FGR: variants seen among roughly 807,000 people sequenced by gnomAD.
FGR encodes the protein FGR proto-oncogene, Src family tyrosine kinase, also known as tyrosine-protein kinase Fgr.
FGR carries 26 observed loss-of-function variants against 63.2 expected under a neutral mutation model. The observed-to-expected ratio is 0.41, with a 90% CI of 0.30 to 0.57. FGR has a LOEUF of 0.57. Among genes scored for constraint, FGR ranks in the 20% least tolerant of loss-of-function variants. The pLI is 0.27. For missense variants in FGR, 511 were observed against 690.8 expected, an observed-to-expected ratio of 0.74 and a Z score of 2.92; for synonymous variants, 286 against 277.7, an observed-to-expected ratio of 1.03 and a Z score of -0.30.
intron 3 of FGR, 80 bp from the exon 4 acceptor site, chr1:27,623,224 C>A: frequency 9.7e-7 from 1 of 1,027,576 alleles, no homozygotes; most frequent in East Asian, 2.5e-5. Context: ...TCCTGTTCCC[C>A]AGCCAGGTGC....
At chr1:27,620,410 T>C (rs2148526912) in intron 5 of FGR, among the ~76,000 whole-genome samples, 2 of 152,026 alleles carry the variant, frequency 1.3e-5, no homozygotes, top group Admixed American at 1.3e-4. Flanking sequence ...GCTCAGAAGT[T>C]TGAGACCAGC....
At chr1:27,630,107 A>C (rs748791674) in intron 1 of FGR, among the ~76,000 whole-genome samples, 1 of 152,016 alleles carries the variant, frequency 6.6e-6, no homozygotes, top group Non-Finnish European at 1.5e-5. Context: ...GGCTGGAGTA[A>C]AGTGGCACAA....
intron 4 of FGR, 69 bp from the exon 5 acceptor site, chr1:27,621,726 G>A: frequency 9.0e-7 from 1 of 1,109,972 alleles, no homozygotes; most frequent in Non-Finnish European, 1.4e-6. Context: ...GCCAGGTGGA[G>A]CCACACAGGT....
chr1:27,629,775 T>G (rs11802278), intron 1 of FGR, among the ~76,000 whole-genome samples: 2,078 of 152,324 alleles, frequency 0.014, 46 homozygotes, highest in African/African-American at 0.047. Context: ...ACCTATGAGG[T>G]GGGTTTATGA....
rs780292527 is a variant in FGR, at chr1:27,621,590, C to T, written c.397G>A (p.Val133Met). ...GKTGCIPSNY[V>M]APVDSIQAEE... The stretch of plus-strand genomic sequence containing the variant: ...GCTTGGATTGAGTCAACAGGGGCCA[C>T]GTAGTTGCTGGGAATGCAGCCAGTT... The change falls in exon 5 of 13, where the codon GTG becomes ATG. Residue 133 changes from valine to methionine, a missense_variant. Val to Met is a conservative substitution (Grantham distance 21, BLOSUM62 1). Coordinates refer to ENST00000374005, the MANE Select transcript of FGR (RefSeq NM_005248.3). 6 of 1,613,896 alleles carry T rather than the reference C, an allele frequency of 3.7e-6. No homozygotes were observed. Among genetic ancestry groups the T allele is most frequent in the Middle Eastern group, 1.6e-4 (1 of 6,062 alleles).
At chr1:27,624,087 G>A (rs188097437) in intron 2 of FGR, 158 bp from the exon 3 acceptor site, 43 of 607,392 alleles carry the variant, frequency 7.1e-5, no homozygotes, top group African/African-American at 6.8e-4. Flanking sequence ...GCGGAACTGG[G>A]CCACCTACTG....
At chr1:27,629,539 C>G (rs867041935) in intron 1 of FGR, among the ~76,000 whole-genome samples, 1 of 152,088 alleles carries the variant, frequency 6.6e-6, no homozygotes, top group Non-Finnish European at 1.5e-5. Flanking sequence ...GGGAAAAAGA[C>G]GGAGGGAGAG....
chr1:27,629,791 C>T (rs2090078820), intron 1 of FGR, among the ~76,000 whole-genome samples: 1 of 152,178 alleles, frequency 6.6e-6, no homozygotes, highest in South Asian at 2.1e-4. Flanking sequence ...TATGACTACC[C>T]TTATTTTACA....
intron 5 of FGR, among the ~76,000 whole-genome samples, chr1:27,619,191 A>G (rs1300001441): frequency 2.6e-5 from 4 of 151,836 alleles, no homozygotes; most frequent in Non-Finnish European, 5.9e-5. Flanking sequence ...AAAAATTTTT[A>G]ATTAATTAAT....
At chr1:27,619,000 G>A (rs890807101) in intron 5 of FGR, among the ~76,000 whole-genome samples, 4 of 151,890 alleles carry the variant, frequency 2.6e-5, no homozygotes, top group East Asian at 1.9e-4. Flanking sequence ...CCTCTGACAC[G>A]CCCTCTCTTG....
chr1:27,615,334 T>C lies in FGR; in HGVS notation c.1018+100A>G. ...GGTCCCTTAGTGGGACTCTGCCCAT[T>C]GTCCCTTGTCCCTCACAGATCGCGT... is the stretch of plus-strand genomic sequence containing the variant. On this transcript the variant is annotated intron_variant, in intron 9 of 12. Coordinates refer to ENST00000374005, the MANE Select transcript of FGR (RefSeq NM_005248.3). This position sits in a 1 kb window ranked among gnomAD's most constrained non-coding sequence, Gnocchi z 7.6. 1 of 1,340,578 alleles carries C rather than the reference T, an allele frequency of 7.5e-7. No individual in the cohort carries two copies. The highest frequency in any genetic ancestry group is 1.3e-5 in the South Asian group (1 of 76,508). 83.0% of individuals were successfully genotyped at this position (1,340,578 alleles called of 1,614,324 possible). A position where few individuals can be genotyped will look rare whatever the true frequency, so the allele number is the denominator to read the frequency against.
intron 2 of FGR, 149 bp from the exon 3 acceptor site, chr1:27,624,078 CG>C (rs1241301056): frequency 8.0e-6 from 5 of 624,230 alleles, no homozygotes; most frequent in Non-Finnish European, 1.4e-5. Context: ...GGGATAAAGG[CG>C]GAACTGGGCC....
chr1:27,617,072 C>T lies in FGR; in HGVS notation c.533-66G>A, dbSNP rs2089827534. On this transcript the variant is annotated intron_variant, in intron 6 of 12. Coordinates refer to ENST00000374005, the MANE Select transcript of FGR (RefSeq NM_005248.3). The surrounding 1 kb of genome is among the most constrained non-coding windows in gnomAD (Gnocchi z 4.5). ...CCTAGTCTGGGAGCTGGGAGAGGCC[C>T]GACAGCAGCATCCCTAGGACCTGGT... 11 of 1,607,334 alleles carry T rather than the reference C, an allele frequency of 6.8e-6. No homozygotes were observed. The highest frequency in any genetic ancestry group is 8.5e-6 in the Non-Finnish European group (10 of 1,175,418).
At chr1:27,630,589 G>A (rs1179670904) in intron 1 of FGR, among the ~76,000 whole-genome samples, 2 of 152,134 alleles carry the variant, frequency 1.3e-5, no homozygotes, top group African/African-American at 4.8e-5. Context: ...GCAGGAGAGA[G>A]AGAGAGAGAG....
chr1:27,613,382 T>C (rs375988490), intron 11 of FGR, 32 bp from the exon 12 acceptor site: 25 of 1,609,624 alleles, frequency 1.6e-5, no homozygotes, highest in Non-Finnish European at 2.1e-5. Flanking sequence ...GGAAAGTTAG[T>C]GAGGGGGTCC....
chr1:27,620,983 C>A (rs1258066766), intron 5 of FGR, among the ~76,000 whole-genome samples: 2 of 96,224 alleles, frequency 2.1e-5, no homozygotes, highest in Non-Finnish European at 3.7e-5. Context: ...CAGAGTAGGA[C>A]CCTGTCTCAA....
intron 1 of FGR, chr1:27,626,140 C>A (rs1194990229): frequency 2.5e-6 from 1 of 398,544 alleles, no homozygotes; most frequent in African/African-American, 2.1e-5. Context: ...AATGAGCCAA[C>A]CCTTTTCTGG....
At chr1:27,628,718 G>A (rs2090062155) in intron 1 of FGR, among the ~76,000 whole-genome samples, 1 of 152,180 alleles carries the variant, frequency 6.6e-6, no homozygotes, top group South Asian at 2.1e-4. Flanking sequence ...ATCAGATGGA[G>A]GGGATCCCTG....
Position 27,616,723 on chromosome 1 carries a change from G to A in FGR, c.682+134C>T, listed in dbSNP as rs1395611124. 20 of 925,208 alleles carry A rather than the reference G, an allele frequency of 2.2e-5. No homozygotes were observed. In the African/African-American group the frequency reaches 2.9e-4, roughly 14 times the overall value. The allele number at this position is 925,208 out of a possible 1,614,324, so 57.3% of individuals were successfully genotyped here. ...CACAGAGCTGGATCCTGGGCTGGCA[G>A]ACCCCATCCTTGGGTTCTGGTTTCC... is the stretch of plus-strand genomic sequence containing the variant. On this transcript the variant is annotated intron_variant, in intron 7 of 12. Transcript: ENST00000374005. The surrounding 1 kb of genome is among the most constrained non-coding windows in gnomAD (Gnocchi z 4.3).
Sources: gnomAD v4.1 joint callset for allele counts (sites outside exome capture counted in the v4.1 genomes callset) on GRCh38, gnomAD v4.1.1 for gene constraint, Gnocchi (gnomAD v3.1) non-coding constraint, MANE v1.5 for transcripts, NCBI Gene and HGNC (gene_info 2026-07-23, HGNC 2026-07-21) for gene names.